The following PRR11 variants were observed in gnomAD, a reference collection of about 807,000 sequenced individuals.
The protein encoded by PRR11 is proline-rich protein 11.
In PRR11, 30 loss-of-function variants were observed where a neutral mutation model predicts 45.6. The ratio of observed to expected loss-of-function variants is 0.66; its 90% CI spans 0.49 to 0.89. The LOEUF (loss-of-function observed/expected upper bound fraction) is 0.89, where lower values mean the gene tolerates loss of function less well. PRR11 is among the 40% of genes least tolerant of loss of function. The pLI is 0.00. For missense variants in PRR11, 373 were observed against 424.8 expected, an observed-to-expected ratio of 0.88 and a Z score of 1.07; for synonymous variants, 128 against 153.5, an observed-to-expected ratio of 0.83 and a Z score of 1.23.
At chr17:59,172,381 G>C (rs1344198951) in intron 2 of PRR11, among the ~76,000 whole-genome samples, 1 of 152,226 alleles carries the variant, frequency 6.6e-6, no homozygotes, top group South Asian at 2.1e-4. Flanking sequence ...GGCAGCCCTC[G>C]CTCGCTTTCC....
intron 2 of PRR11, among the ~76,000 whole-genome samples, chr17:59,172,301 G>A (rs1366816518): frequency 6.6e-6 from 1 of 152,204 alleles, no homozygotes; most frequent in Non-Finnish European, 1.5e-5. Flanking sequence ...AGAAAGGGGT[G>A]GAACCAGAAA....
chr17:59,174,922 C>T, intron 2 of PRR11: 3 of 1,055,294 alleles, frequency 2.8e-6, no homozygotes, highest in African/African-American at 1.6e-5. Context: ...CCACCTGATT[C>T]CTCCCCACCT....
intron 2 of PRR11, chr17:59,178,390 G>A (rs2046760935): frequency 4.4e-6 from 2 of 457,894 alleles, no homozygotes; most frequent in Non-Finnish European, 8.5e-6. Flanking sequence ...GGAGAGAAGA[G>A]AGGAACTGTG....
intron 2 of PRR11, among the ~76,000 whole-genome samples, chr17:59,182,841 G>A (rs571318205): frequency 8.5e-5 from 13 of 152,230 alleles, no homozygotes; most frequent in Admixed American, 4.6e-4. Flanking sequence ...CTGGGGGTGC[G>A]GTTGATGGCT....
At chr17:59,171,265 A>G (rs1199627178) in intron 2 of PRR11, among the ~76,000 whole-genome samples, 4 of 151,944 alleles carry the variant, frequency 2.6e-5, no homozygotes, top group African/African-American at 9.6e-5. Flanking sequence ...TCCGTCTCAA[A>G]AAAAAAAAAA....
chr17:59,170,630 G>A (rs2046703154), intron 2 of PRR11, among the ~76,000 whole-genome samples: 1 of 151,944 alleles, frequency 6.6e-6, no homozygotes, highest in African/African-American at 2.4e-5. Flanking sequence ...TGTTGCCCAG[G>A]CTGGCCTCAA....
chr17:59,191,101 A>C (rs1187022767), intron 4 of PRR11, among the ~76,000 whole-genome samples: 1 of 152,164 alleles, frequency 6.6e-6, no homozygotes, highest in African/African-American at 2.4e-5. Flanking sequence ...GGGAGAAGGC[A>C]AGGAGTTTCC....
At chr17:59,192,285 G>A (rs2046843303) in intron 4 of PRR11, among the ~76,000 whole-genome samples, 2 of 152,144 alleles carry the variant, frequency 1.3e-5, no homozygotes, top group Admixed American at 1.3e-4. Context: ...TTCTTCCCCA[G>A]AGGTATGGGA....
intron 2 of PRR11, among the ~76,000 whole-genome samples, chr17:59,171,025 C>G (rs1400578836): frequency 6.6e-6 from 1 of 151,886 alleles, no homozygotes; most frequent in Admixed American, 6.6e-5. Context: ...TTTGGGAGGC[C>G]GAGGCGGGCG....
intron 2 of PRR11, among the ~76,000 whole-genome samples, chr17:59,176,989 G>T (rs1469750851): frequency 1.3e-5 from 2 of 152,044 alleles, no homozygotes; most frequent in Admixed American, 6.6e-5. Flanking sequence ...GAGCCACCGC[G>T]CCCAGCCTGA....
chr17:59,156,234 A>T (rs1205673533), intron 1 of PRR11, among the ~76,000 whole-genome samples: 1 of 152,188 alleles, frequency 6.6e-6, no homozygotes, highest in Non-Finnish European at 1.5e-5. Flanking sequence ...TTAAGTTGGT[A>T]CATTTCTTGA....
rs57853873 is a variant in PRR11 at position 59,194,267 on chromosome 17, TCACACACACA to T, written c.646-461_646-452del. 1.3e-3 allele frequency among the ~76,000 whole-genome samples: 185 copies of T among 141,166 alleles called. 1 individual carries two copies. The highest frequency in any genetic ancestry group is 3.8e-3 in the South Asian group (16 of 4,258). The allele number at this position is 141,166 out of a possible 152,430, so 92.6% of individuals were successfully genotyped here. The stretch of plus-strand genomic sequence containing the variant: ...ATTAAATCCAGAGTCTTCCCAATCC[TCACACACACA>T]CACACACACACACACACACACACAC... On this transcript the variant is annotated intron_variant, in intron 5 of 9. Transcript: ENST00000262293.
intron 1 of PRR11, among the ~76,000 whole-genome samples, chr17:59,158,496 A>AT (rs1244363806): frequency 6.6e-5 from 10 of 152,228 alleles, no homozygotes; most frequent in African/African-American, 2.4e-4. Flanking sequence ...AGAGTAAAGT[A>AT]TCATGATGTC....
intron 2 of PRR11, among the ~76,000 whole-genome samples, chr17:59,173,383 A>C (rs1277168786): frequency 1.3e-5 from 2 of 152,182 alleles, no homozygotes; most frequent in Non-Finnish European, 2.9e-5. Flanking sequence ...GTTCTTTGGC[A>C]CTTTGCAATG....
Position 59,185,045 on chromosome 17 carries a change from T to C in PRR11, c.129-9T>C, listed in dbSNP as rs1180623124. On this transcript the variant is annotated splice_polypyrimidine_tract_variant and intron_variant, in intron 2 of 9. Transcript: ENST00000262293. ...GTTTTTTATTTGTTTCATTTTGTTT[T>C]TCCTACAGAGTCGGTATTTCTTCAA... 6.2e-7 allele frequency: 1 copy of C among 1,611,556 alleles called. No homozygotes were observed. The highest frequency in any genetic ancestry group is 8.5e-7 in the Non-Finnish European group (1 of 1,178,568).
intron 1 of PRR11, among the ~76,000 whole-genome samples, chr17:59,169,483 A>G (rs1050330796): frequency 4.0e-4 from 61 of 152,198 alleles, no homozygotes; most frequent in African/African-American, 1.3e-3. Context: ...AACTTAATGA[A>G]GAAAAGCAAC....
intron 1 of PRR11, among the ~76,000 whole-genome samples, chr17:59,156,942 T>C (rs2046628046): frequency 6.6e-6 from 1 of 152,216 alleles, no homozygotes; most frequent in Admixed American, 6.5e-5. Context: ...GAACTTTTCA[T>C]ATCATTGGGT....
At chr17:59,188,535 T>C (rs2046825035) in intron 4 of PRR11, among the ~76,000 whole-genome samples, 1 of 152,142 alleles carries the variant, frequency 6.6e-6, no homozygotes, top group Non-Finnish European at 1.5e-5. Context: ...ATTCATTCAA[T>C]TTAATACTAT....
At chr17:59,201,500 G>C in intron 9 of PRR11, 63 bp from the exon 10 acceptor site, 1 of 1,531,440 alleles carries the variant, frequency 6.5e-7, no homozygotes, top group Non-Finnish European at 8.9e-7. Flanking sequence ...TGTTGAGAAA[G>C]GAGAGTTGTA....
Sources: gnomAD v4.1 joint callset for allele counts (sites outside exome capture counted in the v4.1 genomes callset) on GRCh38, gnomAD v4.1.1 for gene constraint, MANE v1.5 for transcripts, NCBI Gene and HGNC (gene_info 2026-07-23, HGNC 2026-07-21) for gene names.